Variants in ARHGAP35 observed in about 807,000 individuals in gnomAD.
ARHGAP35 encodes Rho GTPase activating protein 35, also known as rho GTPase-activating protein 35.
Under a neutral mutation model 111.1 loss-of-function variants are expected in ARHGAP35, and 15 were observed. The observed-to-expected ratio is 0.13, with a 90% CI of 0.09 to 0.21. ARHGAP35 has a LOEUF of 0.21. ARHGAP35 is among the 10% of genes least tolerant of loss of function. The pLI is 1.00. For missense variants in ARHGAP35, 1,262 were observed against 1,873.0 expected (o/e 0.67, Z 6.02); for synonymous variants, 643 against 710.3 (o/e 0.91, Z 1.51).
At chr19:46,876,705 G>C (rs1358946436) in intron 1 of ARHGAP35, among the ~76,000 whole-genome samples, 1 of 151,126 alleles carries the variant, frequency 6.6e-6, no homozygotes, top group Non-Finnish European at 1.5e-5. Flanking sequence ...ACGGGGACTC[G>C]CTGTGTTGCC....
chr19:46,966,131 G>A (rs2056513895), intron 3 of ARHGAP35, among the ~76,000 whole-genome samples: 1 of 151,824 alleles, frequency 6.6e-6, no homozygotes, highest in African/African-American at 2.4e-5. Context: ...ATTTTCTATT[G>A]GATCTTTTAA....
intron 3 of ARHGAP35, among the ~76,000 whole-genome samples, chr19:46,943,600 C>T (rs963801344): frequency 6.6e-6 from 1 of 152,142 alleles, no homozygotes; most frequent in African/African-American, 2.4e-5. Flanking sequence ...TGTAGTATTC[C>T]AGGCAGGGAG....
At chr19:46,864,785 G>A (rs985954935) in intron 1 of ARHGAP35, among the ~76,000 whole-genome samples, 1 of 152,118 alleles carries the variant, frequency 6.6e-6, no homozygotes, top group Non-Finnish European at 1.5e-5. Context: ...TTTTAGCCTT[G>A]TGTGTCATGA....
In ARHGAP35 at chr19:46,926,796, G is replaced by T. The variant is rs1191657053; in HGVS notation, c.3681+4440G>T. ...GTTTGTGTCCCCCCCTAGTGAATTG[G>T]CTTATTTCATTGGATTCAGTGAATT... is the stretch of plus-strand genomic sequence containing the variant. On this transcript the variant is annotated intron_variant, in intron 2 of 6. Transcript: ENST00000672722. This position sits in a 1 kb window ranked among gnomAD's most constrained non-coding sequence, Gnocchi z 4.1. 2.6e-5 allele frequency among the ~76,000 whole-genome samples: 4 copies of T among 152,144 alleles called. No individual in the cohort carries two copies. The highest frequency in any genetic ancestry group is 5.9e-5 in the Non-Finnish European group (4 of 68,020).
At chr19:46,979,810 G>A (rs2122317208) in intron 3 of ARHGAP35, among the ~76,000 whole-genome samples, 1 of 152,262 alleles carries the variant, frequency 6.6e-6, no homozygotes, top group African/African-American at 2.4e-5. Flanking sequence ...GGGAAAGTCT[G>A]GCACAGGAAG....
Position 47,001,464 on chromosome 19 carries a change from G to A in ARHGAP35, c.*776G>A, listed in dbSNP as rs1487942784. On this transcript the variant is annotated 3_prime_UTR_variant, in exon 7 of 7. Transcript: ENST00000672722. The surrounding 1 kb of genome is among the most constrained non-coding windows in gnomAD (Gnocchi z 5.4). ...GACCTCAAGATTCCACTCTGTGCCC[G>A]CCTCTGCCGGGAGGGAGGGAGGCAC... 1.6e-5 allele frequency: 19 copies of A among 1,187,308 alleles called. No homozygotes were observed. Among genetic ancestry groups the A allele is most frequent in the African/African-American group, 6.3e-5 (4 of 63,250 alleles). 73.5% of individuals were successfully genotyped at this position (1,187,308 alleles called of 1,614,324 possible). A position where few individuals can be genotyped will look rare whatever the true frequency, so the allele number is the denominator to read the frequency against.
intron 3 of ARHGAP35, among the ~76,000 whole-genome samples, chr19:46,951,934 A>T (rs538330788): frequency 6.6e-6 from 1 of 152,112 alleles, no homozygotes. Context: ...CTGAAGGGGG[A>T]TGGGGGATTA....
In ARHGAP35 at chr19:46,921,392, C is replaced by G; in HGVS notation, c.2717C>G (p.Thr906Ser). ...LDNDLSREQL[T>S]EGEEIAQEID... is the part of the protein sequence containing the mutation. ...AATGACTTAAGTAGGGAACAGCTAA[C>G]TGAGGGGGAGGAGATTGCTCAAGAA... Residue 906 changes from threonine (T) to serine (S), a missense_variant, in exon 2 of 7, where the codon ACT (threonine) becomes AGT (serine). Around this residue, in one of 8 missense-constraint regions of ARHGAP35, gnomAD observed 579 missense variants for 716.9 expected, o/e 0.81. Coordinates refer to ENST00000672722, the MANE Select transcript of ARHGAP35 (RefSeq NM_004491.5). This position sits in a 1 kb window ranked among gnomAD's most constrained non-coding sequence, Gnocchi z 4.3. 6.2e-7 allele frequency: 1 copy of G among 1,613,974 alleles called. No homozygotes were observed. Among genetic ancestry groups the G allele is most frequent in the African/African-American group, 1.3e-5 (1 of 75,016 alleles).
intron 1 of ARHGAP35, among the ~76,000 whole-genome samples, chr19:46,877,914 GC>G (rs1322503644): frequency 6.6e-6 from 1 of 151,972 alleles, no homozygotes; most frequent in African/African-American, 2.4e-5. Context: ...CATCATGTTG[GC>G]CAAGCTGGTC....
At chr19:46,923,476 A>G (rs960547772) in intron 2 of ARHGAP35, among the ~76,000 whole-genome samples, 8 of 152,082 alleles carry the variant, frequency 5.3e-5, no homozygotes, top group African/African-American at 1.7e-4. Context: ...AGAGAGCTGT[A>G]AGCAGTACTC....
chr19:46,943,759 T>C (rs775830880), intron 3 of ARHGAP35, among the ~76,000 whole-genome samples: 1 of 152,180 alleles, frequency 6.6e-6, no homozygotes. Context: ...AATAAAACAT[T>C]GCATCATCAC....
chr19:46,999,955 T>G lies in ARHGAP35; in HGVS notation c.4143-376T>G. 3.8e-6 allele frequency: 1 copy of G among 263,990 alleles called. No individual in the cohort carries two copies. Among genetic ancestry groups the G allele is most frequent in the East Asian group, 7.7e-5 (1 of 13,016 alleles). The allele number at this position is 263,990 out of a possible 1,614,324, so 16.4% of individuals were successfully genotyped here. ...TGAAGTTCCATGTGTGTGGAGGAGA[T>G]CTGCTGGCCGAGTGGCCTCTGATGG... On this transcript the variant is annotated intron_variant, in intron 6 of 6. Transcript: ENST00000672722. This position sits in a 1 kb window ranked among gnomAD's most constrained non-coding sequence, Gnocchi z 5.4.
intron 3 of ARHGAP35, among the ~76,000 whole-genome samples, chr19:46,978,424 C>T (rs529600471): frequency 2.6e-5 from 4 of 151,768 alleles, no homozygotes; most frequent in African/African-American, 7.3e-5. Context: ...TTGGGCCTGC[C>T]GTGGAAAGGA....
At chr19:46,944,868 G>C (rs1190994352) in intron 3 of ARHGAP35, among the ~76,000 whole-genome samples, 1 of 152,100 alleles carries the variant, frequency 6.6e-6, no homozygotes, top group Non-Finnish European at 1.5e-5. Flanking sequence ...ACATTGTGAG[G>C]GAAATTGGTT....
intron 1 of ARHGAP35, among the ~76,000 whole-genome samples, chr19:46,895,136 G>A (rs2056046803): frequency 6.6e-6 from 1 of 151,600 alleles, no homozygotes; most frequent in African/African-American, 2.4e-5. Context: ...TGGATGAGGG[G>A]GAAAAAAGCT....
At chr19:46,915,906 G>A (rs982967966) in intron 1 of ARHGAP35, among the ~76,000 whole-genome samples, 1 of 149,218 alleles carries the variant, frequency 6.7e-6, no homozygotes, top group Non-Finnish European at 1.5e-5. Context: ...GTTCCCCATA[G>A]CCTTCAGGAA....
In ARHGAP35 at chr19:46,993,832, G is replaced by C. The variant is rs2056692298; in HGVS notation, c.4036+4157G>C. Among the ~76,000 whole-genome samples the C allele has an allele frequency of 6.6e-6, 1 of 152,088 alleles. No individual in the cohort carries two copies. Among genetic ancestry groups the C allele is most frequent in the Non-Finnish European group, 1.5e-5 (1 of 67,998 alleles). ...AGCAAAGGGGTGAGCGCAGTGTGGA[G>C]GCTGGGGTCTCCTCCATAGGCCACC... On this transcript the variant is annotated intron_variant, in intron 5 of 6. Coordinates refer to ENST00000672722, the MANE Select transcript of ARHGAP35 (RefSeq NM_004491.5). The surrounding 1 kb of genome is among the most constrained non-coding windows in gnomAD (Gnocchi z 4.6).
At chr19:46,998,348 G>A (rs1431171431) in intron 5 of ARHGAP35, among the ~76,000 whole-genome samples, 5 of 152,170 alleles carry the variant, frequency 3.3e-5, no homozygotes, top group Non-Finnish European at 7.3e-5. Context: ...ACCCTCCTGT[G>A]GTTCTTCTGA....
At chr19:46,967,815 G>C (rs10412802) in intron 3 of ARHGAP35, among the ~76,000 whole-genome samples, 36,006 of 152,116 alleles carry the variant, frequency 0.24, 4,488 homozygotes, top group Non-Finnish European at 0.28. Context: ...GCCTTTCCTT[G>C]CTGTTCCACT....
Sources: gnomAD v4.1 joint callset for allele counts (sites outside exome capture counted in the v4.1 genomes callset) on GRCh38, gnomAD v4.1.1 for gene constraint, gnomAD v4.1.1 regional missense constraint, Gnocchi (gnomAD v3.1) non-coding constraint, MANE v1.5 for transcripts, NCBI Gene and HGNC (gene_info 2026-07-23, HGNC 2026-07-21) for gene names.